The following POR variants were observed in gnomAD, a reference collection of about 807,000 sequenced individuals.
POR encodes cytochrome p450 oxidoreductase, also known as NADPH--cytochrome P450 reductase.
Under a neutral mutation model 84.0 loss-of-function variants are expected in POR, and 56 were observed. That is an observed-to-expected ratio of 0.67 (90% CI 0.54 to 0.83). The LOEUF is 0.83. POR is among the 40% of genes least tolerant of loss of function. The pLI is 0.00. For missense variants in POR, 938 were observed against 944.3 expected, an observed-to-expected ratio of 0.99 and a Z score of 0.09; for synonymous variants, 414 against 400.5, an observed-to-expected ratio of 1.03 and a Z score of -0.40.
chr7:75,942,510 T>C (rs1350191248), intron 1 of POR, among the ~76,000 whole-genome samples: 2 of 150,588 alleles, frequency 1.3e-5, no homozygotes, highest in Non-Finnish European at 2.9e-5. Context: ...ATTATTGCAT[T>C]GCAGATCAGC....
rs1563436304 is a variant in POR at position 75,986,189 on chromosome 7, CGA to C, written c.1850_1851del (p.Glu617AlafsTer35). On this transcript the variant is annotated frameshift_variant, in exon 15 of 16. Coordinates refer to ENST00000461988, the MANE Select transcript of POR (RefSeq NM_000941.3). LOFTEE classifies it high-confidence loss of function. ...CGTCCAGCACCTGCTAAAGCAAGAC[CGA>C]GAGCACCTGTGGAAGTTGATCGAAG... The C allele has an allele frequency of 1.2e-6, 2 of 1,612,188 alleles. No homozygotes were observed. The highest frequency in any genetic ancestry group is 3.3e-5 in the Admixed American group (2 of 59,936).
chr7:75,932,062 G>A (rs1554550194), intron 1 of POR, among the ~76,000 whole-genome samples: 1 of 152,158 alleles, frequency 6.6e-6, no homozygotes, highest in Non-Finnish European at 1.5e-5. Context: ...AAGAGGAAGA[G>A]CTGCAGAGAA....
intron 1 of POR, among the ~76,000 whole-genome samples, chr7:75,931,941 G>A (rs1807442382): frequency 2.0e-5 from 3 of 152,164 alleles, no homozygotes; most frequent in Admixed American, 2.0e-4. Flanking sequence ...TCCCTTAAGT[G>A]CTTATTAATT....
chr7:75,983,949 G>A (rs1563433192), intron 10 of POR, 93 bp downstream of exon 10: 2 of 1,014,582 alleles, frequency 2.0e-6, no homozygotes, highest in Non-Finnish European at 1.4e-6. Flanking sequence ...GCTTAGGCCT[G>A]AAGCCCCGGT....
At chr7:75,916,584 G>A (rs755637231) in intron 1 of POR, among the ~76,000 whole-genome samples, 1 of 152,064 alleles carries the variant, frequency 6.6e-6, no homozygotes, top group African/African-American at 2.4e-5. Flanking sequence ...GGAAACTTTC[G>A]CTGAGCAGAT....
intron 3 of POR, among the ~76,000 whole-genome samples, chr7:75,976,662 G>A (rs1161085548): frequency 1.4e-5 from 2 of 143,964 alleles, no homozygotes; most frequent in African/African-American, 2.6e-5. Context: ...CAGGAAAATC[G>A]CTTGAACCCA....
chr7:75,934,547 A>C (rs1807577732), intron 1 of POR, among the ~76,000 whole-genome samples: 1 of 152,082 alleles, frequency 6.6e-6, no homozygotes, highest in Non-Finnish European at 1.5e-5. Context: ...AGATTTAAAA[A>C]GGAGCCAAGT....
chr7:75,970,836 G>T (rs1391992152), intron 2 of POR, among the ~76,000 whole-genome samples: 1 of 151,714 alleles, frequency 6.6e-6, no homozygotes, highest in East Asian at 1.9e-4. Flanking sequence ...TTGATTTGTA[G>T]GGCTTTCTTA....
intron 3 of POR, among the ~76,000 whole-genome samples, chr7:75,974,836 T>C (rs1169847949): frequency 2.6e-5 from 4 of 152,172 alleles, no homozygotes; most frequent in African/African-American, 7.2e-5. Flanking sequence ...CTCTTTTTTC[T>C]TTTTTTAATA....
intron 2 of POR, among the ~76,000 whole-genome samples, chr7:75,967,655 T>TA (rs58780028): frequency 2.0e-5 from 3 of 151,486 alleles, no homozygotes; most frequent in Non-Finnish European, 4.4e-5. Context: ...TTTTTTTTTT[T>TA]AATGGGAAAC....
chr7:75,931,337 TTTTA>T (rs140503871), intron 1 of POR, among the ~76,000 whole-genome samples: 27,344 of 142,702 alleles, frequency 0.19, 2,691 homozygotes, highest in Middle Eastern at 0.32. Flanking sequence ...TATTGTGTGA[TTTTA>T]TTTATTTATT....
intron 1 of POR, among the ~76,000 whole-genome samples, chr7:75,947,452 G>A (rs1387088383): frequency 4.0e-5 from 6 of 151,882 alleles, no homozygotes; most frequent in Non-Finnish European, 7.4e-5. Flanking sequence ...GCAGCACCAC[G>A]CCCAGCTAAT....
chr7:75,979,473 A>G lies in POR; in HGVS notation c.260A>G (p.Tyr87Cys), dbSNP rs1047228872. 2 of 1,613,264 alleles carry G rather than the reference A, an allele frequency of 1.2e-6. No individual in the cohort carries two copies. The highest frequency in any genetic ancestry group is 2.7e-5 in the African/African-American group (2 of 74,910). ...TAGGGGAGGAACATCATCGTGTTCT[A>G]CGGCTCCCAGACGGGGACTGCAGAG... is the stretch of plus-strand genomic sequence containing the variant. Residue 87 changes from tyrosine (Y) to cysteine (C), a missense_variant, in exon 4 of 16, where the codon TAC (tyrosine) becomes TGC (cysteine). Transcript: ENST00000461988.
At chr7:75,936,002 G>C (rs1203320542) in intron 1 of POR, among the ~76,000 whole-genome samples, 1 of 150,846 alleles carries the variant, frequency 6.6e-6, no homozygotes, top group African/African-American at 2.4e-5. Flanking sequence ...GCAGTTTTCT[G>C]ACCACCTAAA....
chr7:75,929,563 A>G (rs868988095), intron 1 of POR, among the ~76,000 whole-genome samples: 1 of 152,124 alleles, frequency 6.6e-6, no homozygotes, highest in Non-Finnish European at 1.5e-5. Flanking sequence ...CTCAATACAC[A>G]TGTGATTGCC....
chr7:75,937,271 G>T (rs1188446637), intron 1 of POR, among the ~76,000 whole-genome samples: 1 of 147,936 alleles, frequency 6.8e-6, no homozygotes, highest in African/African-American at 2.5e-5. Flanking sequence ...CCTGGACAAC[G>T]TGGTGAAACC....
intron 1 of POR, among the ~76,000 whole-genome samples, chr7:75,946,433 C>T (rs1209285585): frequency 6.6e-6 from 1 of 151,992 alleles, no homozygotes; most frequent in African/African-American, 2.4e-5. Context: ...ACTACAGGTG[C>T]GCACCGTCAC....
intron 3 of POR, among the ~76,000 whole-genome samples, chr7:75,974,959 G>A (rs535843413): frequency 3.5e-4 from 54 of 152,118 alleles, no homozygotes; most frequent in Non-Finnish European, 7.4e-4. Context: ...TATCTTGCCC[G>A]TTAAAGAGTT....
At chr7:75,951,409 AAAAG>A (rs1278946519) in intron 1 of POR, among the ~76,000 whole-genome samples, 1 of 152,126 alleles carries the variant, frequency 6.6e-6, no homozygotes, top group African/African-American at 2.4e-5. Flanking sequence ...AATAAAATAA[AAAAG>A]AAAGAAAAAA....
Sources: gnomAD v4.1 joint callset for allele counts (sites outside exome capture counted in the v4.1 genomes callset) on GRCh38, gnomAD v4.1.1 for gene constraint, MANE v1.5 for transcripts, NCBI Gene and HGNC (gene_info 2026-07-23, HGNC 2026-07-21) for gene names.